DYNC2H1: variants seen among roughly 807,000 people sequenced by gnomAD.
DYNC2H1 encodes dynein cytoplasmic 2 heavy chain 1.
A neutral mutation model predicts 570.0 loss-of-function variants in DYNC2H1; 410 were observed. That is an observed-to-expected ratio of 0.72 (90% confidence interval 0.66 to 0.78). DYNC2H1 has a LOEUF of 0.78. Ranked by LOEUF, DYNC2H1 falls within the 30% of genes least tolerant of loss-of-function variation. DYNC2H1 has a pLI of 0.00. For missense variants in DYNC2H1, 4,865 were observed against 5,046.4 expected, an observed-to-expected ratio of 0.96 and a Z score of 1.09; for synonymous variants, 1,688 against 1,677.6, an observed-to-expected ratio of 1.01 and a Z score of -0.15.
rs1863919226 is a variant in DYNC2H1 at position 103,229,336 on chromosome 11, T to A, written c.9354-1924T>A. 2.0e-5 allele frequency among the ~76,000 whole-genome samples: 3 copies of A among 152,338 alleles called. No homozygotes were observed. The South Asian group carries it at 6.2e-4, about 32-fold the overall frequency. On this transcript the variant is annotated intron_variant, in intron 59 of 88. Coordinates refer to ENST00000375735, the MANE Select transcript of DYNC2H1 (RefSeq NM_001377.3). The stretch of plus-strand genomic sequence containing the variant: ...GTCTCCACATGCTCCTCTGTCTGTC[T>A]GAGTGGGAGCTGCAAGCTAGTCCTG...
In DYNC2H1 at chr11:103,199,381, ACTT is replaced by A; in HGVS notation, c.7997_7999del (p.Ser2666del). 2 of 1,610,242 alleles carry A rather than the reference ACTT, an allele frequency of 1.2e-6. No homozygotes were observed. The highest frequency in any genetic ancestry group is 1.7e-6 in the Non-Finnish European group (2 of 1,178,520). ...CAGTGGTGTAGGTCGTCGGACCATC[ACTT>A]CTTTAGTCAGTCACATGCATGGAGC... On this transcript the variant is annotated inframe_deletion, in exon 49 of 89. Coordinates refer to ENST00000375735, the MANE Select transcript of DYNC2H1 (RefSeq NM_001377.3). This position sits in a 1 kb window ranked among gnomAD's most constrained non-coding sequence, Gnocchi z 4.6.
chr11:103,295,371 A>G (rs1253732891), intron 75 of DYNC2H1, among the ~76,000 whole-genome samples: 1 of 152,240 alleles, frequency 6.6e-6, no homozygotes, highest in East Asian at 1.9e-4. Context: ...TAGAAGCAGC[A>G]ACAGGCACAG....
chr11:103,266,089 G>A (rs1310412653), intron 70 of DYNC2H1, among the ~76,000 whole-genome samples: 1 of 151,896 alleles, frequency 6.6e-6, no homozygotes. Flanking sequence ...GGGGTGGGAG[G>A]GGCAAGGCGC....
chr11:103,361,174 A>G (rs948418018), intron 83 of DYNC2H1, among the ~76,000 whole-genome samples: 2 of 152,172 alleles, frequency 1.3e-5, no homozygotes, highest in Non-Finnish European at 2.9e-5. Context: ...TGAAGTCTTA[A>G]CTCTCAAAGT....
At chr11:103,215,297 G>C (rs796236399) in intron 54 of DYNC2H1, among the ~76,000 whole-genome samples, 1 of 152,092 alleles carries the variant, frequency 6.6e-6, no homozygotes, top group African/African-American at 2.4e-5. Context: ...GTCATTTTTG[G>C]ACTTTATTAT....
At position 103,307,747 on chromosome 11, in the gene DYNC2H1, T is replaced by C. The variant is rs758098496; in HGVS notation, c.11409T>C (p.Asp3803=). ...EKELNTLQPK[D]TFRLWLTAEV... ...AATTGAATACTCTTCAACCTAAAGATACCTTTCGTCTTTGGCTCACTGCAG... is the reference window on the plus strand; with the variant it reads ...AATTGAATACTCTTCAACCTAAAGACACCTTTCGTCTTTGGCTCACTGCAG... Residue 3803 remains aspartate, a synonymous_variant, in exon 78 of 89, where the codon GAT becomes GAC. Coordinates refer to ENST00000375735, the MANE Select transcript of DYNC2H1 (RefSeq NM_001377.3). 5 of 1,602,318 alleles carry C rather than the reference T, an allele frequency of 3.1e-6. No homozygotes were observed. The highest frequency in any genetic ancestry group is 4.3e-6 in the Non-Finnish European group (5 of 1,173,636).
intron 73 of DYNC2H1, among the ~76,000 whole-genome samples, chr11:103,285,709 G>A (rs1866326063): frequency 6.6e-6 from 1 of 152,040 alleles, no homozygotes. Context: ...ATAGGTGTGA[G>A]CCACTGTGCC....
chr11:103,409,333 A>G (rs1464412854), intron 84 of DYNC2H1, among the ~76,000 whole-genome samples: 1 of 152,038 alleles, frequency 6.6e-6, no homozygotes, highest in Non-Finnish European at 1.5e-5. Flanking sequence ...CATGTTACTT[A>G]TATTAACATT....
intron 24 of DYNC2H1, 92 bp from the exon 25 acceptor site, chr11:103,155,239 C>A: frequency 8.0e-7 from 1 of 1,251,204 alleles, no homozygotes; most frequent in Non-Finnish European, 1.1e-6. Flanking sequence ...ATTTTGGTAA[C>A]TAATAAGCAT....
At chr11:103,164,323 A>G (rs1404411239) in intron 30 of DYNC2H1, among the ~76,000 whole-genome samples, 1 of 152,228 alleles carries the variant, frequency 6.6e-6, no homozygotes. Flanking sequence ...TTGAGCAGTC[A>G]GGTAAAAGTG....
Position 103,156,436 on chromosome 11 carries a change from C to G in DYNC2H1, c.3793C>G (p.Arg1265Gly). The G allele has an allele frequency of 6.2e-7, 1 of 1,613,566 alleles. No homozygotes were observed. Among genetic ancestry groups the G allele is most frequent in the South Asian group, 1.1e-5 (1 of 91,036 alleles). Residue 1265 changes from arginine (R) to glycine (G), a missense_variant, in exon 26 of 89, where the codon CGT becomes GGT. Coordinates refer to ENST00000375735, the MANE Select transcript of DYNC2H1 (RefSeq NM_001377.3). ...TGAAGTTACAATCAGAGAAGCTTTA[C>G]GTGAACTTGATCTTTGGGGAGTTGG... is the stretch of plus-strand genomic sequence containing the variant. The part of the protein sequence containing the change: ...QGEVTIREAL[R>G]ELDLWGVGAV...
At chr11:103,390,016 C>T (rs1942067555) in intron 83 of DYNC2H1, among the ~76,000 whole-genome samples, 3 of 152,188 alleles carry the variant, frequency 2.0e-5, no homozygotes, top group South Asian at 2.1e-4. Context: ...ATTAGGTCCA[C>T]TTGGTGCAGA....
At position 103,399,309 on chromosome 11, in the gene DYNC2H1, A is replaced by T. The variant is rs558462645; in HGVS notation, c.12157-354A>T. Among the ~76,000 whole-genome samples, 38 of 93,734 alleles carry T rather than the reference A, an allele frequency of 4.1e-4. 1 individual carries two copies. The South Asian group carries it at 0.013, about 33-fold the overall frequency. The allele number at this position is 93,734 out of a possible 152,430, so 61.5% of individuals were successfully genotyped here. A position where few individuals can be genotyped will look rare whatever the true frequency, so the allele number is the denominator to read the frequency against. ...AGGTGCACACCACCATATTCGGCTA[A>T]TTTTTTTTTTTTTTTTTTGTATTTT... On this transcript the variant is annotated intron_variant, in intron 83 of 88. Coordinates refer to ENST00000375735, the MANE Select transcript of DYNC2H1 (RefSeq NM_001377.3).
intron 46 of DYNC2H1, 43 bp downstream of exon 46, chr11:103,191,662 G>GCA: frequency 8.1e-7 from 1 of 1,228,426 alleles, no homozygotes. Context: ...GTGTGTGTGT[G>GCA]CACATTTATT....
At chr11:103,451,119 T>C (rs1164387773) in intron 85 of DYNC2H1, among the ~76,000 whole-genome samples, 1 of 152,082 alleles carries the variant, frequency 6.6e-6, no homozygotes, top group African/African-American at 2.4e-5. Context: ...TTTTATTGGC[T>C]GTGTAATTTT....
chr11:103,130,306 C>G (rs1859208568), intron 13 of DYNC2H1, among the ~76,000 whole-genome samples: 1 of 152,102 alleles, frequency 6.6e-6, no homozygotes, highest in South Asian at 2.1e-4. Context: ...GGTAGGAACT[C>G]TTCTGAAATC....
chr11:103,191,374 A>G, intron 45 of DYNC2H1, 143 bp from the exon 46 acceptor site: 1 of 614,636 alleles, frequency 1.6e-6, no homozygotes, highest in East Asian at 2.8e-5. Context: ...TAGTATAAAG[A>G]TAATGAAGTC....
In DYNC2H1 at chr11:103,177,871, G is replaced by T. The variant is rs1425759632; in HGVS notation, c.6139+51G>T. ...CTTTACTTAGTAATTCTTAGATAAT[G>T]ATATAATTTGTCTATAATGCTGTCT... On this transcript the variant is annotated intron_variant, in intron 38 of 88. Coordinates refer to ENST00000375735, the MANE Select transcript of DYNC2H1 (RefSeq NM_001377.3). The surrounding 1 kb of genome is among the most constrained non-coding windows in gnomAD (Gnocchi z 4.4). The T allele has an allele frequency of 6.5e-7, 1 of 1,532,536 alleles. No individual in the cohort carries two copies. Among genetic ancestry groups the T allele is most frequent in the African/African-American group, 1.4e-5 (1 of 71,022 alleles). 94.9% of individuals were successfully genotyped at this position (1,532,536 alleles called of 1,614,324 possible).
At position 103,380,512 on chromosome 11, in the gene DYNC2H1, C is replaced by T. The variant is rs1482810889; in HGVS notation, c.12157-19151C>T. ...CCAGATGAGGGAATGATTAATTCTG[C>T]TGATAGGAAAGTCAGGGAAGACTTT... On this transcript the variant is annotated intron_variant, in intron 83 of 88. Transcript: ENST00000375735. Among the ~76,000 whole-genome samples, 4 of 152,116 alleles carry T rather than the reference C, an allele frequency of 2.6e-5. No homozygotes were observed. The East Asian group carries it at 7.7e-4, about 29-fold the overall frequency.
Sources: allele counts gnomAD v4.1 joint callset (sites outside exome capture counted in the v4.1 genomes callset), GRCh38; gene constraint gnomAD v4.1.1; non-coding constraint Gnocchi (gnomAD v3.1); transcripts MANE v1.5; gene names NCBI Gene and HGNC (gene_info 2026-07-23, HGNC 2026-07-21).